MAGI2: variants seen among roughly 807,000 people sequenced by gnomAD.
MAGI2 encodes the protein membrane-associated guanylate kinase, WW and PDZ domain-containing protein 2.
In MAGI2, 35 loss-of-function variants were observed where a neutral mutation model predicts 133.3. The observed-to-expected ratio is 0.26, with a 90% CI of 0.20 to 0.35. The LOEUF is 0.35. Ranked by LOEUF, MAGI2 falls within the 10% of genes least tolerant of loss-of-function variation. MAGI2 has a pLI of 1.00. For synonymous variants in MAGI2, 729 were observed against 710.6 expected (o/e 1.03, Z -0.41); for missense variants, 1,636 against 1,863.4 (o/e 0.88, Z 2.25).
At chr7:79,074,655 A>C (rs1467522126) in intron 1 of MAGI2, among the ~76,000 whole-genome samples, 1 of 152,216 alleles carries the variant, frequency 6.6e-6, no homozygotes, top group Non-Finnish European at 1.5e-5. Context: ...TGAAGCATGA[A>C]AAGTTGAATT....
Position 78,512,122 on chromosome 7 carries a change from C to CA in MAGI2, c.754+9307dup, listed in dbSNP as rs1337723519. On this transcript the variant is annotated intron_variant, in intron 4 of 21. Coordinates refer to ENST00000354212, the MANE Select transcript of MAGI2 (RefSeq NM_012301.4). ...TGGGTGATGGAGCGAGACTTCGTCTCAAAAAAAATAAATTAAAAAAAAAAA... is the reference window on the plus strand; with the variant it reads ...TGGGTGATGGAGCGAGACTTCGTCTCAAAAAAAAATAAATTAAAAAAAAAAA... Among the ~76,000 whole-genome samples the CA allele has an allele frequency of 6.8e-3, 790 of 116,876 alleles. 9 individuals are homozygous for CA. The highest frequency in any genetic ancestry group is 0.024 in the African/African-American group (736 of 30,152). 76.7% of individuals were successfully genotyped at this position (116,876 alleles called of 152,430 possible).
chr7:78,706,784 C>A (rs1369550486), intron 2 of MAGI2, among the ~76,000 whole-genome samples: 1 of 152,056 alleles, frequency 6.6e-6, no homozygotes, highest in African/African-American at 2.4e-5. Context: ...TGAAACAATG[C>A]ATAGGACTGT....
At chr7:78,452,389 G>A (rs10273620) in intron 6 of MAGI2, among the ~76,000 whole-genome samples, 18,956 of 151,906 alleles carry the variant, frequency 0.12, 1,446 homozygotes, top group African/African-American at 0.21. Context: ...AAACTGTGGA[G>A]CACAGTATGA....
chr7:78,420,062 A>G (rs1004685475), intron 6 of MAGI2, among the ~76,000 whole-genome samples: 2 of 152,054 alleles, frequency 1.3e-5, no homozygotes, highest in Non-Finnish European at 2.9e-5. Context: ...AACCTTTTTG[A>G]GTTTCTATAG....
chr7:78,918,533 A>G (rs983077090), intron 2 of MAGI2, among the ~76,000 whole-genome samples: 3 of 152,194 alleles, frequency 2.0e-5, no homozygotes, highest in Non-Finnish European at 2.9e-5. Flanking sequence ...TAAACATTTA[A>G]TGATGGAATA....
At chr7:78,507,705 G>A (rs1319882146) in intron 4 of MAGI2, among the ~76,000 whole-genome samples, 2 of 152,114 alleles carry the variant, frequency 1.3e-5, no homozygotes, top group Admixed American at 1.3e-4. Context: ...AGAAACAAGG[G>A]TACCTAAAGC....
chr7:79,347,354 G>T (rs1841396147), intron 1 of MAGI2, among the ~76,000 whole-genome samples: 1 of 151,724 alleles, frequency 6.6e-6, no homozygotes, highest in African/African-American at 2.4e-5. Context: ...CCTCAATCCT[G>T]CCTTAATTAC....
chr7:79,073,353 C>T (rs1230496105), intron 1 of MAGI2, among the ~76,000 whole-genome samples: 2 of 152,122 alleles, frequency 1.3e-5, no homozygotes, highest in Non-Finnish European at 2.9e-5. Context: ...TCCACTAACT[C>T]TTAGGCCCAT....
At chr7:78,642,549 C>G (rs573847340) in intron 2 of MAGI2, among the ~76,000 whole-genome samples, 21 of 151,824 alleles carry the variant, frequency 1.4e-4, no homozygotes, top group Non-Finnish European at 2.9e-4. Context: ...TATCATTTGT[C>G]CAAATATATA....
intron 1 of MAGI2, among the ~76,000 whole-genome samples, chr7:79,434,394 A>G (rs1419719012): frequency 2.6e-5 from 4 of 152,194 alleles, no homozygotes; most frequent in Non-Finnish European, 5.9e-5. Flanking sequence ...ACTTTTTCAC[A>G]ACAGTTTCAG....
chr7:78,205,938 G>T (rs1969441), intron 10 of MAGI2, among the ~76,000 whole-genome samples: 75,671 of 151,556 alleles, frequency 0.5, 18,914 homozygotes, highest in East Asian at 0.55. Context: ...GGCACCTCAT[G>T]TGATACAGGA....
chr7:79,200,615 A>G (rs937553053), intron 1 of MAGI2, among the ~76,000 whole-genome samples: 1 of 151,600 alleles, frequency 6.6e-6, no homozygotes, highest in African/African-American at 2.4e-5. Context: ...CATCTCAAAA[A>G]AAAAAAAAAG....
At position 79,453,090 on chromosome 7, in the gene MAGI2, G is replaced by T. The variant is rs756755700; in HGVS notation, c.231C>A (p.Leu77=). 18 of 1,613,728 alleles carry T rather than the reference G, an allele frequency of 1.1e-5. No individual in the cohort carries two copies. The highest frequency in any genetic ancestry group is 1.7e-5 in the Admixed American group (1 of 59,996). ...LEVNETPVAG[L]TIRDVLAVIK... is the part of the protein sequence containing the mutation. ...TCACGGCCAGCACGTCCCTGATGGTGAGCCCCGCCACGGGGGTCTCGTTCA... is the reference window on the plus strand; with the variant it reads ...TCACGGCCAGCACGTCCCTGATGGTTAGCCCCGCCACGGGGGTCTCGTTCA... The change falls in exon 1 of 22, where the codon CTC becomes CTA. Residue 77 remains leucine (L), a synonymous_variant. Coordinates refer to ENST00000354212, the MANE Select transcript of MAGI2 (RefSeq NM_012301.4).
chr7:78,582,399 A>G (rs1429504204), intron 3 of MAGI2, among the ~76,000 whole-genome samples: 1 of 152,230 alleles, frequency 6.6e-6, no homozygotes, highest in African/African-American at 2.4e-5. Flanking sequence ...TTGTTATGCA[A>G]TATAAAAGAA....
chr7:79,015,825 A>T (rs906859509), intron 1 of MAGI2, among the ~76,000 whole-genome samples: 13 of 152,092 alleles, frequency 8.5e-5, no homozygotes, highest in African/African-American at 2.4e-4. Flanking sequence ...CATGTACAGC[A>T]TCCCCATGAG....
rs1808059848 is a variant in MAGI2 at position 78,019,390 on chromosome 7, C to CGGCGCGACGGCGGCCT, written c.4277_4292dup (p.Pro1433ArgfsTer13). The CGGCGCGACGGCGGCCT allele has an allele frequency of 4.9e-6, 6 of 1,223,126 alleles. No individual in the cohort carries two copies. In the South Asian group the frequency reaches 1.4e-4, roughly 28 times the overall value. 75.8% of individuals were successfully genotyped at this position (1,223,126 alleles called of 1,614,324 possible). A position where few individuals can be genotyped will look rare whatever the true frequency, so the allele number is the denominator to read the frequency against. The stretch of plus-strand genomic sequence containing the variant: ...CAGAACCCGGCACCTTCCAGGGCCC[C>CGGCGCGACGGCGGCCT]GGCGCGACGGCGGCCTTGCGCGCCG... On this transcript the variant is annotated frameshift_variant, in exon 22 of 22. Transcript: ENST00000354212. LOFTEE classifies it high-confidence loss of function.
chr7:78,606,432 A>G (rs569403984), intron 3 of MAGI2, among the ~76,000 whole-genome samples: 3 of 151,756 alleles, frequency 2.0e-5, no homozygotes, highest in East Asian at 2.0e-4. Flanking sequence ...AGCCACAAAT[A>G]TAAGAAAAGG....
chr7:78,876,060 T>C (rs1360341669), intron 2 of MAGI2, among the ~76,000 whole-genome samples: 2 of 152,090 alleles, frequency 1.3e-5, no homozygotes, highest in Non-Finnish European at 2.9e-5. Flanking sequence ...CAGTGGCTCA[T>C]GCCTGTAATT....
intron 3 of MAGI2, among the ~76,000 whole-genome samples, chr7:78,564,231 C>T (rs1463994587): frequency 6.6e-6 from 1 of 152,248 alleles, no homozygotes; most frequent in East Asian, 1.9e-4. Flanking sequence ...CTCATGGATA[C>T]CAGCTTTAAT....
Sources: allele counts gnomAD v4.1 joint callset (sites outside exome capture counted in the v4.1 genomes callset), GRCh38; gene constraint gnomAD v4.1.1; transcripts MANE v1.5; gene names NCBI Gene and HGNC (gene_info 2026-07-23, HGNC 2026-07-21).